Variants in BST2 observed in about 807,000 individuals in gnomAD.
The protein encoded by BST2 is bone marrow stromal antigen 2.
Under a neutral mutation model 18.6 loss-of-function variants are expected in BST2, and 10 were observed. The observed-to-expected ratio is 0.54, with a 90% CI of 0.33 to 0.91. BST2 has a LOEUF of 0.91. Among genes scored for constraint, BST2 ranks in the 40% least tolerant of loss-of-function variants. BST2 has a pLI of 0.02. For missense variants in BST2, 183 were observed against 228.4 expected (o/e 0.80, Z 1.28); for synonymous variants, 75 against 96.8 (o/e 0.77, Z 1.32).
intron 4 of BST2, 71 bp downstream of exon 4, chr19:17,403,609 G>C: frequency 2.6e-6 from 4 of 1,548,406 alleles, no homozygotes; most frequent in Non-Finnish European, 3.5e-6. Flanking sequence ...TCTAGACTTC[G>C]GAGCCTCTGC....
chr19:17,404,317 C>CCCTT, intron 2 of BST2, 54 bp downstream of exon 2: 1 of 1,523,558 alleles, frequency 6.6e-7, no homozygotes, highest in Non-Finnish European at 9.1e-7. Context: ...CCCCCACCCC[C>CCCTT]TCTTCCATAC....
chr19:17,403,875 C>T (rs765061021), intron 3 of BST2, 51 bp from the exon 4 acceptor site: 63 of 1,587,012 alleles, frequency 4.0e-5, no homozygotes, highest in Non-Finnish European at 5.4e-5. Context: ...CTCCTGCCGC[C>T]CTCCCTGTAA....
Position 17,403,712 on chromosome 19 carries a change from T to C in BST2, c.526A>G (p.Ser176Gly). ...PQLLIVLLGL[S>G]ALLQ is the part of the protein sequence containing the mutation. The stretch of plus-strand genomic sequence containing the variant: ...CTGGGATCTCACTGCAGCAGAGCGC[T>C]GAGGCCCAGCAGCACAATCAGCAGC... Residue 176 changes from serine (S) to glycine (G), a missense_variant, in exon 4 of 5, where the codon AGC becomes GGC. Transcript: ENST00000252593. 1 of 1,612,884 alleles carries C rather than the reference T, an allele frequency of 6.2e-7. No individual in the cohort carries two copies. The highest frequency in any genetic ancestry group is 8.5e-7 in the Non-Finnish European group (1 of 1,179,678).
chr19:17,404,790 T>C (rs919280446), intron 1 of BST2, among the ~76,000 whole-genome samples: 66 of 152,150 alleles, frequency 4.3e-4, no homozygotes, highest in Non-Finnish European at 1.5e-5. Flanking sequence ...GCAGTGGGAT[T>C]TCCCCGCCCA....
intron 3 of BST2, 136 bp downstream of exon 3, chr19:17,403,993 T>C: frequency 7.5e-7 from 1 of 1,331,604 alleles, no homozygotes; most frequent in Non-Finnish European, 1.0e-6. Flanking sequence ...TAAGTTATCC[T>C]TTTGTGGGAC....
intron 3 of BST2, 122 bp downstream of exon 3, chr19:17,404,007 A>C: frequency 7.3e-7 from 1 of 1,362,010 alleles, no homozygotes; most frequent in Non-Finnish European, 1.0e-6. Context: ...GTGGGACTCA[A>C]ACTTTATCCC....
At chr19:17,404,720 T>C (rs2074715955) in intron 1 of BST2, among the ~76,000 whole-genome samples, 1 of 152,144 alleles carries the variant, frequency 6.6e-6, no homozygotes, top group Non-Finnish European at 1.5e-5. Flanking sequence ...TTAGTGGACA[T>C]TTCCAGATTG....
In BST2 at chr19:17,405,314, C is replaced by T. The variant is rs1289636275; in HGVS notation, c.262G>A (p.Ala88Thr). The change falls in exon 1 of 5, where the codon GCC (alanine) becomes ACC (threonine). Residue 88 changes from alanine (A) to threonine (T), a missense_variant. Physicochemically the swap from Ala to Thr is moderately conservative, Grantham distance 58 (BLOSUM62 0). Transcript: ENST00000252593. ...QKGFQDVEAQAATCNHTVMAL... is the reference protein window; with the variant it reads ...QKGFQDVEAQTATCNHTVMAL... ...ACCACAGTGTGGTTGCAGGTGGCGG[C>T]CTGGGCCTCCACATCCTGAAAGCCC... The T allele has an allele frequency of 1.2e-6, 2 of 1,612,628 alleles. No homozygotes were observed. The highest frequency in any genetic ancestry group is 1.7e-6 in the Non-Finnish European group (2 of 1,179,356).
intron 2 of BST2, 53 bp downstream of exon 2, chr19:17,404,318 T>G: frequency 7.3e-5 from 49 of 666,852 alleles, no homozygotes; most frequent in Non-Finnish European, 1.0e-4. Flanking sequence ...CCCCACCCCC[T>G]CTTCCATACC....
rs1299629021 is a variant in BST2 at position 17,403,125 on chromosome 19, G to C, written c.*217C>G. The C allele has an allele frequency of 1.8e-5, 18 of 985,596 alleles. No homozygotes were observed. Among genetic ancestry groups the C allele is most frequent in the Non-Finnish European group, 1.7e-5 (14 of 830,304 alleles). 61.1% of individuals were successfully genotyped at this position (985,596 alleles called of 1,614,324 possible). On this transcript the variant is annotated 3_prime_UTR_variant, in exon 5 of 5. Transcript: ENST00000252593. ...TCATTGTCCGGAGGGAGGCTCTGGAGGGAGACAGCCCTGGGTCAACCCGAC... is the reference window on the plus strand; with the variant it reads ...TCATTGTCCGGAGGGAGGCTCTGGACGGAGACAGCCCTGGGTCAACCCGAC...
rs1054231 is a variant in BST2 at position 17,403,234 on chromosome 19, C to T, written c.*108G>A. ...CTCCGGCTACCCCGTGCTCTCCCCG[C>T]TAACCGTGTTGCCCCATGACCCGCT... On this transcript the variant is annotated 3_prime_UTR_variant, in exon 5 of 5. Transcript: ENST00000252593. The T allele has an allele frequency of 2.0e-6, 2 of 999,224 alleles. No individual in the cohort carries two copies. The highest frequency in any genetic ancestry group is 3.5e-5 in the African/African-American group (2 of 57,200). The allele number at this position is 999,224 out of a possible 1,614,324, so 61.9% of individuals were successfully genotyped here.
Position 17,403,790 on chromosome 19 carries a change from C to G in BST2, c.448G>C (p.Asp150His), listed in dbSNP as rs2074709633. 2.5e-6 allele frequency: 4 copies of G among 1,613,700 alleles called. No individual in the cohort carries two copies. In the South Asian group the frequency reaches 4.4e-5, roughly 18 times the overall value. The change falls in exon 4 of 5, where the codon GAC (aspartate) becomes CAC (histidine). Residue 150 changes from aspartate (D) to histidine (H), a missense_variant. Physicochemically the swap from Asp to His is moderately conservative, Grantham distance 81. Coordinates refer to ENST00000252593, the MANE Select transcript of BST2 (RefSeq NM_004335.4). ...TGGGAGCTGGGGTAGTACTTCTTGTCCGCGATTCTCACGCTTAAGACCTGG... is the reference window on the plus strand; with the variant it reads ...TGGGAGCTGGGGTAGTACTTCTTGTGCGCGATTCTCACGCTTAAGACCTGG... ...ENQVLSVRIA[D>H]KKYYPSSQDS...
intron 4 of BST2, 46 bp downstream of exon 4, chr19:17,403,630 CGCTT>C: frequency 6.3e-7 from 1 of 1,575,294 alleles, no homozygotes; most frequent in Admixed American, 1.8e-5. Context: ...TTCCCCGCCC[CGCTT>C]CCCCAGCTTT....
Position 17,404,440 on chromosome 19 carries a change from A to C in BST2, c.286-3T>G. The stretch of plus-strand genomic sequence containing the variant: ...TCCAGGGAAGCCATTAGGGCCATCT[A>C]AGAAGAGTTAGAATCTGGGGTTTTG... On this transcript the variant is annotated splice_polypyrimidine_tract_variant and splice_region_variant and intron_variant, in intron 1 of 4. Transcript: ENST00000252593. 6.2e-7 allele frequency: 1 copy of C among 1,613,868 alleles called. No individual in the cohort carries two copies. Among genetic ancestry groups the C allele is most frequent in the Non-Finnish European group, 8.5e-7 (1 of 1,179,970 alleles).
Position 17,403,661 on chromosome 19 carries a change from C to T in BST2, c.*15+19G>A. On this transcript the variant is annotated intron_variant, in intron 4 of 4. Coordinates refer to ENST00000252593, the MANE Select transcript of BST2 (RefSeq NM_004335.4). ...CCCAGCTTTCTTCTCCCTCCCGGGG[C>T]CGCCCCCTCCTCACTGACCAGCTTC... The T allele has an allele frequency of 6.2e-7, 1 of 1,604,782 alleles. No homozygotes were observed. Among genetic ancestry groups the T allele is most frequent in the Non-Finnish European group, 8.5e-7 (1 of 1,178,748 alleles).
chr19:17,404,002 A>G, intron 3 of BST2, 127 bp downstream of exon 3: 1 of 1,340,162 alleles, frequency 7.5e-7, no homozygotes. Context: ...CTTTTGTGGG[A>G]CTCAAACTTT....
rs1361598182 is a variant in BST2, at chr19:17,405,384, G to GCAAT, written c.191_192insATTG (p.Asn65LeufsTer54). On this transcript the variant is annotated frameshift_variant, in exon 1 of 5. Transcript: ENST00000252593. LOFTEE classifies it high-confidence loss of function. Reference sequence around the variant, plus strand: ...CTTGTTGCAGGAGATGGGTGACATTGCGACACTCCATCACTGCCCGAAGGC... The same window carrying GCAAT: ...CTTGTTGCAGGAGATGGGTGACATTGCAATCGACACTCCATCACTGCCCGAAGGC... 3 of 1,614,262 alleles carry GCAAT rather than the reference G, an allele frequency of 1.9e-6. No individual in the cohort carries two copies. The highest frequency in any genetic ancestry group is 2.5e-6 in the Non-Finnish European group (3 of 1,180,044).
chr19:17,405,228 GGA>G, intron 1 of BST2, 61 bp downstream of exon 1: 2 of 1,510,170 alleles, frequency 1.3e-6, no homozygotes, highest in Non-Finnish European at 8.9e-7. Flanking sequence ...AGATTTCTGG[GGA>G]GAGATTCTTG....
rs1364997427 is a variant in BST2, at chr19:17,404,417, C to T, written c.306G>A (p.Leu102=). Reference sequence around the variant, plus strand: ...TTTGTCCTTGGGCCTTCTCTGCATCCAGGGAAGCCATTAGGGCCATCTAAG... The same window carrying T: ...TTTGTCCTTGGGCCTTCTCTGCATCTAGGGAAGCCATTAGGGCCATCTAAG... The part of the protein sequence containing the change: ...NHTVMALMAS[L]DAEKAQGQKK... Residue 102 remains leucine (L), a synonymous_variant, in exon 2 of 5, where the codon CTG becomes CTA. Transcript: ENST00000252593. 1 of 1,613,958 alleles carries T rather than the reference C, an allele frequency of 6.2e-7. No individual in the cohort carries two copies. Among genetic ancestry groups the T allele is most frequent in the African/African-American group, 1.3e-5 (1 of 74,902 alleles).
Sources: gnomAD v4.1 joint callset for allele counts (sites outside exome capture counted in the v4.1 genomes callset) on GRCh38, gnomAD v4.1.1 for gene constraint, MANE v1.5 for transcripts, NCBI Gene and HGNC (gene_info 2026-07-23, HGNC 2026-07-21) for gene names.